SORCS3: variants seen among roughly 807,000 people sequenced by gnomAD.
SORCS3 encodes sortilin related VPS10 domain containing receptor 3.
Under a neutral mutation model 146.3 loss-of-function variants are expected in SORCS3, and 57 were observed. The ratio of observed to expected loss-of-function variants is 0.39; its 90% CI spans 0.31 to 0.49. SORCS3 has a LOEUF of 0.49. SORCS3 is among the 20% of genes least tolerant of loss of function. The pLI, the probability that SORCS3 is intolerant of heterozygous loss-of-function variation, is 0.92. For synonymous variants in SORCS3, 653 were observed against 618.5 expected, an observed-to-expected ratio of 1.06 and a Z score of -0.83; for missense variants, 1,341 against 1,575.5, an observed-to-expected ratio of 0.85 and a Z score of 2.52.
intron 1 of SORCS3, among the ~76,000 whole-genome samples, chr10:104,676,664 C>T (rs529483932): frequency 1.9e-4 from 29 of 152,182 alleles, no homozygotes; most frequent in Non-Finnish European, 3.5e-4. Flanking sequence ...ATTCTTTCTA[C>T]TGCACTCAGA....
intron 3 of SORCS3, among the ~76,000 whole-genome samples, chr10:104,967,343 CT>C (rs1310811915): frequency 2.0e-5 from 3 of 152,140 alleles, no homozygotes; most frequent in African/African-American, 7.2e-5. Flanking sequence ...CTCCCTGACA[CT>C]TTCCTGTGTT....
intron 14 of SORCS3, among the ~76,000 whole-genome samples, chr10:105,193,350 C>G (rs2056527310): frequency 6.6e-6 from 1 of 152,146 alleles, no homozygotes. Flanking sequence ...GCTATTACCT[C>G]AATTTTGGAA....
At chr10:105,185,209 C>T (rs773362906) in intron 14 of SORCS3, among the ~76,000 whole-genome samples, 3 of 152,202 alleles carry the variant, frequency 2.0e-5, no homozygotes, top group Non-Finnish European at 2.9e-5. Context: ...ATATAAGTCT[C>T]ACCTCTTTCA....
At chr10:105,093,219 A>T in intron 6 of SORCS3, among the ~76,000 whole-genome samples, 1 of 152,172 alleles carries the variant, frequency 6.6e-6, no homozygotes, top group African/African-American at 2.4e-5. Flanking sequence ...ATTAACTTCA[A>T]CCTATGATTC....
rs867929654 is a variant in SORCS3, at chr10:104,761,384, T to C, written c.628-81408T>C. The stretch of plus-strand genomic sequence containing the variant: ...ATGAAGTGTATCTGGAGAGAGAAGA[T>C]ACATACCATATCTGGAGAGAGAAGA... On this transcript the variant is annotated intron_variant, in intron 1 of 26. Transcript: ENST00000369701. Among the ~76,000 whole-genome samples, 15 of 152,114 alleles carry C rather than the reference T, an allele frequency of 9.9e-5. No individual in the cohort carries two copies. In the South Asian group the frequency reaches 2.5e-3, roughly 25 times the overall value.
chr10:105,081,025 C>G (rs530847447), intron 5 of SORCS3, among the ~76,000 whole-genome samples: 2 of 152,280 alleles, frequency 1.3e-5, no homozygotes, highest in East Asian at 3.9e-4. Context: ...TGTTAATTAA[C>G]TTGACTTAAT....
chr10:104,804,996 C>T (rs970624639), intron 1 of SORCS3, among the ~76,000 whole-genome samples: 10 of 152,258 alleles, frequency 6.6e-5, no homozygotes, highest in African/African-American at 1.4e-4. Context: ...AGAAGACAAA[C>T]GATGAGTGTC....
chr10:105,089,802 G>C lies in SORCS3; in HGVS notation c.1056G>C (p.Ala352=). 1 of 1,614,060 alleles carries C rather than the reference G, an allele frequency of 6.2e-7. No individual in the cohort carries two copies. The highest frequency in any genetic ancestry group is 8.5e-7 in the Non-Finnish European group (1 of 1,179,962). ...YWSVAGLDKE[A]DLVHMEVRTT... ...CGGTGGCCGGATTGGATAAGGAGGC[G>C]GACCTGGTGCACATGGAGGTGCGGA... The change falls in exon 6 of 27, where the codon GCG becomes GCC. Residue 352 remains alanine (A), a synonymous_variant. Coordinates refer to ENST00000369701, the MANE Select transcript of SORCS3 (RefSeq NM_014978.3).
At chr10:105,097,057 C>A (rs963802396) in intron 6 of SORCS3, among the ~76,000 whole-genome samples, 2 of 152,048 alleles carry the variant, frequency 1.3e-5, no homozygotes, top group African/African-American at 4.8e-5. Context: ...TGAAGGAGCC[C>A]CAGAGAAGCA....
At chr10:105,084,422 C>G (rs891387297) in intron 5 of SORCS3, among the ~76,000 whole-genome samples, 4 of 152,146 alleles carry the variant, frequency 2.6e-5, no homozygotes, top group Non-Finnish European at 5.9e-5. Context: ...AAGAAGAAAA[C>G]TCTGAATGTT....
At chr10:105,179,942 TAC>T (rs1158591697) in intron 14 of SORCS3, among the ~76,000 whole-genome samples, 5 of 152,238 alleles carry the variant, frequency 3.3e-5, no homozygotes, top group African/African-American at 1.2e-4. Context: ...TCCTTCCCCT[TAC>T]TGTTAACCCT....
chr10:105,086,663 T>G (rs984978292), intron 5 of SORCS3, among the ~76,000 whole-genome samples: 1 of 152,216 alleles, frequency 6.6e-6, no homozygotes, highest in Non-Finnish European at 1.5e-5. Flanking sequence ...CAATCAGGCT[T>G]CGTCAGTATG....
intron 2 of SORCS3, among the ~76,000 whole-genome samples, chr10:104,868,615 C>A (rs977944212): frequency 2.0e-5 from 3 of 152,132 alleles, no homozygotes; most frequent in African/African-American, 7.2e-5. Flanking sequence ...CAGCCAGTGG[C>A]AGGGTGAGAT....
chr10:104,968,294 T>G (rs1316024086), intron 3 of SORCS3, among the ~76,000 whole-genome samples: 2 of 152,184 alleles, frequency 1.3e-5, no homozygotes, highest in Non-Finnish European at 2.9e-5. Context: ...TTTTGTATTT[T>G]TAGTAGAGAC....
At chr10:104,976,368 C>T (rs1431308408) in intron 3 of SORCS3, among the ~76,000 whole-genome samples, 1 of 152,168 alleles carries the variant, frequency 6.6e-6, no homozygotes, top group Non-Finnish European at 1.5e-5. Flanking sequence ...GAGATACCAT[C>T]TCACACCAGT....
intron 3 of SORCS3, among the ~76,000 whole-genome samples, chr10:104,920,797 A>T (rs929508844): frequency 7.2e-5 from 11 of 152,228 alleles, no homozygotes; most frequent in Non-Finnish European, 1.2e-4. Context: ...TATGAAATGC[A>T]CGAAGCTGCT....
intron 1 of SORCS3, among the ~76,000 whole-genome samples, chr10:104,668,430 G>A (rs1270576769): frequency 1.3e-5 from 2 of 152,192 alleles, no homozygotes; most frequent in African/African-American, 2.4e-5. Flanking sequence ...AGAGAGACAA[G>A]AGTTTGATCC....
intron 4 of SORCS3, among the ~76,000 whole-genome samples, chr10:104,992,537 T>A (rs2055000919): frequency 6.6e-6 from 1 of 152,232 alleles, no homozygotes; most frequent in African/African-American, 2.4e-5. Context: ...CTGAAGTTTA[T>A]CATTGGCTTC....
intron 1 of SORCS3, among the ~76,000 whole-genome samples, chr10:104,789,733 T>C (rs1057220189): frequency 1.3e-5 from 2 of 152,102 alleles, no homozygotes; most frequent in Non-Finnish European, 2.9e-5. Flanking sequence ...CAGTGAAAAA[T>C]TGTTGTTCTT....
Sources: gnomAD v4.1 joint callset for allele counts (sites outside exome capture counted in the v4.1 genomes callset) on GRCh38, gnomAD v4.1.1 for gene constraint, MANE v1.5 for transcripts, NCBI Gene and HGNC (gene_info 2026-07-23, HGNC 2026-07-21) for gene names.